Variants in TNR observed in about 807,000 individuals in gnomAD.
The protein encoded by TNR is tenascin R, also known as tenascin-R.
A neutral mutation model predicts 150.4 loss-of-function variants in TNR; 45 were observed. That is an observed-to-expected ratio of 0.30 (90% confidence interval 0.24 to 0.38). TNR has a LOEUF of 0.38. TNR is among the 10% of genes least tolerant of loss of function. The pLI is 1.00. For missense variants in TNR, 1,544 were observed against 1,759.1 expected, an observed-to-expected ratio of 0.88 and a Z score of 2.19; for synonymous variants, 687 against 678.4, an observed-to-expected ratio of 1.01 and a Z score of -0.20.
rs1325383896 is a variant in TNR, at chr1:175,403,170, C to T, written c.946G>A (p.Glu316Lys). 1.9e-6 allele frequency: 3 copies of T among 1,613,814 alleles called. No homozygotes were observed. Among genetic ancestry groups the T allele is most frequent in the Non-Finnish European group, 2.5e-6 (3 of 1,179,854 alleles). ...GAGCAGTCAGGGCCCTGGTAGCCCT[C>T]TTCACAGACGCAGAGCCCCTCCTCA... ...QCEEGLCVCE[E>K]GYQGPDCSAV... is the part of the protein sequence containing the mutation. The change falls in exon 4 of 23, where the codon GAG becomes AAG. Residue 316 changes from glutamate to lysine, a missense_variant. Glu to Lys is a moderately conservative substitution (Grantham distance 56, BLOSUM62 1). Transcript: ENST00000367674.
At chr1:175,665,396 T>C (rs1571730152) in intron 1 of TNR, among the ~76,000 whole-genome samples, 2 of 152,294 alleles carry the variant, frequency 1.3e-5, no homozygotes, top group South Asian at 4.1e-4. Flanking sequence ...ACTGCTGTGG[T>C]GCTCCCTGGG....
Position 175,362,695 on chromosome 1 carries a change from T to G in TNR, c.2822A>C (p.Glu941Ala), listed in dbSNP as rs1651655369. 1.2e-6 allele frequency: 2 copies of G among 1,613,964 alleles called. No homozygotes were observed. Among genetic ancestry groups the G allele is most frequent in the African/African-American group, 2.7e-5 (2 of 74,908 alleles). ...CACAAGAGTACAGATGCGCTCGCTT[T>G]CCTCCCTGCCCCGCACGCTGTTGAG... is the stretch of plus-strand genomic sequence containing the variant. ...ISLNSVRGREESERICTLVHT... is the reference protein window; with the variant it reads ...ISLNSVRGREASERICTLVHT... The change falls in exon 14 of 23, where the codon GAA becomes GCA. Residue 941 changes from glutamate to alanine, a missense_variant. Transcript: ENST00000367674.
chr1:175,365,822 C>A (rs994866843), intron 11 of TNR, 53 bp downstream of exon 11: 35 of 1,575,654 alleles, frequency 2.2e-5, no homozygotes, highest in Middle Eastern at 3.9e-4. Context: ...GAATTTCTCA[C>A]ACTGAGATCC....
At chr1:175,620,842 AAAAG>A (rs1463914167) in intron 1 of TNR, among the ~76,000 whole-genome samples, 14 of 152,076 alleles carry the variant, frequency 9.2e-5, no homozygotes, top group Admixed American at 7.9e-4. Flanking sequence ...GTAGAAAAAA[AAAAG>A]AGAGAGAGAA....
chr1:175,506,922 G>A (rs1000822702), intron 2 of TNR, among the ~76,000 whole-genome samples: 4 of 152,214 alleles, frequency 2.6e-5, no homozygotes, highest in Admixed American at 2.6e-4. Context: ...TAAAAGACTG[G>A]TGTGCTTATG....
chr1:175,523,983 G>A (rs1659750202), intron 2 of TNR, among the ~76,000 whole-genome samples: 4 of 152,042 alleles, frequency 2.6e-5, no homozygotes, highest in Admixed American at 2.6e-4. Context: ...TCCTCCTACT[G>A]GACTGGCCTC....
rs1028372692 is a variant in TNR, at chr1:175,376,226, C to T, written c.1963+3326G>A. On this transcript the variant is annotated intron_variant, in intron 9 of 22. Transcript: ENST00000367674. ...CTAGGCCACATGGACTAAAGGAGGA[C>T]ATCCTAAACCATCCAGTAGCTCACA... Among the ~76,000 whole-genome samples the T allele has an allele frequency of 7.9e-5, 12 of 152,304 alleles. 1 individual carries two copies. In the East Asian group the frequency reaches 2.3e-3, roughly 29 times the overall value.
intron 17 of TNR, among the ~76,000 whole-genome samples, chr1:175,355,048 C>T (rs1347773803): frequency 6.6e-6 from 1 of 152,136 alleles, no homozygotes; most frequent in East Asian, 1.9e-4. Context: ...CTTTATAATG[C>T]TTATCAAGAG....
intron 1 of TNR, among the ~76,000 whole-genome samples, chr1:175,614,742 A>G (rs1243882585): frequency 1.3e-5 from 2 of 152,168 alleles, no homozygotes; most frequent in Admixed American, 6.5e-5. Flanking sequence ...TGGTATTTAC[A>G]GCTTCTTGGA....
At chr1:175,605,083 G>A (rs1663367041) in intron 1 of TNR, among the ~76,000 whole-genome samples, 1 of 152,222 alleles carries the variant, frequency 6.6e-6, no homozygotes, top group African/African-American at 2.4e-5. Context: ...ATGGTGGGCA[G>A]CATAGGGAAG....
At chr1:175,664,929 T>C (rs1016070409) in intron 1 of TNR, among the ~76,000 whole-genome samples, 10 of 152,202 alleles carry the variant, frequency 6.6e-5, no homozygotes, top group African/African-American at 2.2e-4. Context: ...CTGAGTGAGT[T>C]TGCTTAGTGA....
chr1:175,698,436 A>G (rs1666593230), intron 1 of TNR, among the ~76,000 whole-genome samples: 1 of 152,156 alleles, frequency 6.6e-6, no homozygotes, highest in Admixed American at 6.5e-5. Flanking sequence ...AGGTGCTGAC[A>G]TCCTTGACGT....
intron 1 of TNR, among the ~76,000 whole-genome samples, chr1:175,655,380 G>T (rs1384800334): frequency 6.6e-6 from 1 of 152,100 alleles, no homozygotes; most frequent in East Asian, 1.9e-4. Flanking sequence ...TTTAATCTTT[G>T]CAATAAGCCT....
chr1:175,395,333 C>G lies in TNR; in HGVS notation c.1240+1211G>C, dbSNP rs137913547. 9.2e-3 allele frequency among the ~76,000 whole-genome samples: 1,395 copies of G among 152,252 alleles called. 14 individuals carry two copies. Among genetic ancestry groups the G allele is most frequent in the Non-Finnish European group, 0.013 (906 of 68,014 alleles). On this transcript the variant is annotated intron_variant, in intron 5 of 22. Transcript: ENST00000367674. ...TCTGAACTTTCGTGGCATTTGTTAC[C>G]TGAATACCATCTACCTACACAAAAT...
intron 2 of TNR, among the ~76,000 whole-genome samples, chr1:175,495,955 G>A (rs893551387): frequency 3.9e-5 from 6 of 152,152 alleles, no homozygotes; most frequent in Admixed American, 6.5e-5. Context: ...CCCACATCCT[G>A]TCACCATGCC....
intron 2 of TNR, among the ~76,000 whole-genome samples, chr1:175,421,722 C>T (rs1212628789): frequency 6.6e-6 from 1 of 152,150 alleles, no homozygotes. Flanking sequence ...TCCTACATGA[C>T]CAAAAACGTG....
At chr1:175,451,223 TTTA>T (rs1376956373) in intron 2 of TNR, among the ~76,000 whole-genome samples, 2 of 150,704 alleles carry the variant, frequency 1.3e-5, no homozygotes, top group East Asian at 1.9e-4. Context: ...TTTTAATGTT[TTTA>T]TTTTTTTATT....
intron 1 of TNR, among the ~76,000 whole-genome samples, chr1:175,553,200 G>C (rs1661012189): frequency 6.6e-6 from 1 of 152,170 alleles, no homozygotes; most frequent in African/African-American, 2.4e-5. Flanking sequence ...AAGTGGTGGG[G>C]ATGAAACACA....
At chr1:175,405,892 A>C (rs1335738540) in intron 3 of TNR, among the ~76,000 whole-genome samples, 1 of 152,198 alleles carries the variant, frequency 6.6e-6, no homozygotes, top group East Asian at 1.9e-4. Context: ...CCTGCTCGCC[A>C]TCGAAGTTGC....
Sources: gnomAD v4.1 joint callset for allele counts (sites outside exome capture counted in the v4.1 genomes callset) on GRCh38, gnomAD v4.1.1 for gene constraint, MANE v1.5 for transcripts, NCBI Gene and HGNC (gene_info 2026-07-23, HGNC 2026-07-21) for gene names.